HYDIN: variants seen among roughly 807,000 people sequenced by gnomAD.
HYDIN encodes the protein axonemal central pair apparatus protein HYDIN.
Under a neutral mutation model 403.9 loss-of-function variants are expected in HYDIN, and 132 were observed. The ratio of observed to expected loss-of-function variants is 0.33; its 90% CI spans 0.28 to 0.38. HYDIN has a LOEUF of 0.38. Ranked by LOEUF, HYDIN falls within the 10% of genes least tolerant of loss-of-function variation. HYDIN has a pLI of 1.00. For synonymous variants in HYDIN, 1,202 were observed against 1,891.7 expected (o/e 0.64, Z 9.46); for missense variants, 2,827 against 5,009.5 (o/e 0.56, Z 13.15).
chr16:71,025,057 A>G (rs974477068), intron 21 of HYDIN, among the ~76,000 whole-genome samples: 1 of 152,210 alleles, frequency 6.6e-6, no homozygotes, highest in Non-Finnish European at 1.5e-5. Context: ...TTCTACTCCA[A>G]TCCTTCCTCT....
At chr16:70,932,386 C>T (rs538542827) in intron 45 of HYDIN, among the ~76,000 whole-genome samples, 1 of 152,108 alleles carries the variant, frequency 6.6e-6, no homozygotes, top group East Asian at 1.9e-4. Flanking sequence ...TAAACAAAAA[C>T]ATACCCACAC....
rs1395426967 is a variant in HYDIN, at chr16:70,806,843, G to A, written c.*737C>T. Among the ~76,000 whole-genome samples, 7 of 152,190 alleles carry A rather than the reference G, an allele frequency of 4.6e-5. No individual in the cohort carries two copies. Among genetic ancestry groups the A allele is most frequent in the Non-Finnish European group, 8.8e-5 (6 of 68,044 alleles). ...ATTACATCAGATGGGGACTGGGCAC[G>A]TTCAGAGTGAGAGTTAGGTGGTCCT... On this transcript the variant is annotated 3_prime_UTR_variant, in exon 86 of 86. Coordinates refer to ENST00000393567, the MANE Select transcript of HYDIN (RefSeq NM_001270974.2).
intron 13 of HYDIN, among the ~76,000 whole-genome samples, chr16:71,078,815 T>C (rs1361728163): frequency 6.6e-6 from 1 of 152,220 alleles, no homozygotes; most frequent in Admixed American, 6.5e-5. Context: ...TGATTCTTAA[T>C]TGATGTTGCC....
intron 44 of HYDIN, among the ~76,000 whole-genome samples, chr16:70,937,669 C>CAAA (rs55658404): frequency 1.9e-3 from 155 of 80,906 alleles, no homozygotes; most frequent in African/African-American, 6.9e-3. Flanking sequence ...GAGTCTGTCT[C>CAAA]AAAAAAAAAA....
At chr16:70,845,694 T>C (rs1355265822) in intron 75 of HYDIN, among the ~76,000 whole-genome samples, 1 of 137,316 alleles carries the variant, frequency 7.3e-6, no homozygotes, top group East Asian at 2.0e-4. Flanking sequence ...GTTGGTAAAC[T>C]ATTGTTTATT....
chr16:71,182,114 C>A (rs2086930528), intron 3 of HYDIN, among the ~76,000 whole-genome samples: 1 of 151,978 alleles, frequency 6.6e-6, no homozygotes, highest in African/African-American at 2.4e-5. Context: ...TGAAGAGCAG[C>A]ATAGGGAAAA....
At chr16:71,218,809 T>G (rs1463926570) in intron 1 of HYDIN, among the ~76,000 whole-genome samples, 4 of 152,214 alleles carry the variant, frequency 2.6e-5, no homozygotes, top group Non-Finnish European at 5.9e-5. Flanking sequence ...GCAAAAGGAT[T>G]ATATCAGAAA....
chr16:70,996,447 T>C (rs972416896), intron 23 of HYDIN, among the ~76,000 whole-genome samples: 2 of 152,022 alleles, frequency 1.3e-5, no homozygotes, highest in Non-Finnish European at 2.9e-5. Flanking sequence ...GTTCTGAGCA[T>C]GGCTGTGGGG....
chr16:71,106,212 T>C (rs1260647156), intron 10 of HYDIN, among the ~76,000 whole-genome samples: 1 of 149,974 alleles, frequency 6.7e-6, no homozygotes, highest in Non-Finnish European at 1.5e-5. Flanking sequence ...AGTCACACAC[T>C]AAGAACTTGC....
intron 18 of HYDIN, among the ~76,000 whole-genome samples, chr16:71,038,315 G>A (rs2081165227): frequency 6.6e-6 from 1 of 152,122 alleles, no homozygotes; most frequent in African/African-American, 2.4e-5. Context: ...CAGCTCCCAA[G>A]GTAAAGCAGC....
chr16:71,199,051 G>T (rs2144699964), intron 1 of HYDIN, among the ~76,000 whole-genome samples: 1 of 152,208 alleles, frequency 6.6e-6, no homozygotes, highest in East Asian at 1.9e-4. Flanking sequence ...GCTCATTGTG[G>T]TTTTAATTTG....
rs2082247860 is a variant in HYDIN, at chr16:71,065,910, A to G, written c.2076-1070T>C. Among the ~76,000 whole-genome samples, 3 of 152,200 alleles carry G rather than the reference A, an allele frequency of 2.0e-5. No homozygotes were observed. The South Asian group carries it at 6.2e-4, about 32-fold the overall frequency. ...GTTCCTACAGATTACACCAAAAATA[A>G]GGACATGAAAGAGGCTTTCTTTAAC... On this transcript the variant is annotated intron_variant, in intron 15 of 85. Coordinates refer to ENST00000393567, the MANE Select transcript of HYDIN (RefSeq NM_001270974.2).
At chr16:71,213,883 TTA>T (rs1407234210) in intron 1 of HYDIN, among the ~76,000 whole-genome samples, 2 of 152,112 alleles carry the variant, frequency 1.3e-5, no homozygotes, top group Non-Finnish European at 2.9e-5. Flanking sequence ...AACAAGATCC[TTA>T]TCTATTAATA....
intron 50 of HYDIN, among the ~76,000 whole-genome samples, chr16:70,906,876 C>T (rs1166607876): frequency 1.3e-5 from 2 of 152,182 alleles, no homozygotes; most frequent in Non-Finnish European, 2.9e-5. Flanking sequence ...TTTGGTTTCC[C>T]CAATAGCGCT....
intron 57 of HYDIN, among the ~76,000 whole-genome samples, chr16:70,890,262 G>C (rs960130100): frequency 6.6e-6 from 1 of 152,176 alleles, no homozygotes; most frequent in East Asian, 1.9e-4. Context: ...TTAAACTTTT[G>C]AGAATTTTAT....
At chr16:71,029,007 T>C (rs961353013) in intron 19 of HYDIN, among the ~76,000 whole-genome samples, 1 of 150,932 alleles carries the variant, frequency 6.6e-6, no homozygotes, top group African/African-American at 2.4e-5. Context: ...TCATGATAAG[T>C]ATATTTACTA....
At chr16:71,158,413 A>AT (rs67707050) in intron 6 of HYDIN, among the ~76,000 whole-genome samples, 26 of 150,752 alleles carry the variant, frequency 1.7e-4, no homozygotes, top group Admixed American at 4.6e-4. Context: ...AAGATTTTAT[A>AT]TTTTTTTTTG....
chr16:70,836,479 A>C (rs2037433209), intron 77 of HYDIN, among the ~76,000 whole-genome samples: 1 of 152,234 alleles, frequency 6.6e-6, no homozygotes, highest in Non-Finnish European at 1.5e-5. Context: ...GGCAAGAAAG[A>C]AAGCAGGAGG....
At chr16:71,051,822 A>G (rs2081660065) in intron 18 of HYDIN, among the ~76,000 whole-genome samples, 1 of 152,228 alleles carries the variant, frequency 6.6e-6, no homozygotes, top group Admixed American at 6.5e-5. Context: ...GGAAGCTTGC[A>G]GATAAAAGTC....
Sources: gnomAD v4.1 joint callset for allele counts (sites outside exome capture counted in the v4.1 genomes callset) on GRCh38, gnomAD v4.1.1 for gene constraint, MANE v1.5 for transcripts, NCBI Gene and HGNC (gene_info 2026-07-23, HGNC 2026-07-21) for gene names.